The following TAFA2 variants were observed in gnomAD, a reference collection of about 807,000 sequenced individuals.
TAFA2 encodes the protein TAFA chemokine like family member 2, also known as chemokine-like protein TAFA-2.
TAFA2 carries 7 observed loss-of-function variants against 18.8 expected under a neutral mutation model. That is an observed-to-expected ratio of 0.37 (90% CI 0.21 to 0.70). The LOEUF (loss-of-function observed/expected upper bound fraction) is 0.70. TAFA2 is among the 30% of genes least tolerant of loss of function. TAFA2 has a pLI of 0.53. For missense variants in TAFA2, 122 were observed against 158.1 expected (o/e 0.77, Z 1.23); for synonymous variants, 60 against 54.2 (o/e 1.11, Z -0.47).
intron 1 of TAFA2, among the ~76,000 whole-genome samples, chr12:62,249,540 G>A (rs2062902439): frequency 6.6e-6 from 1 of 152,066 alleles, no homozygotes; most frequent in Admixed American, 6.6e-5. Context: ...CTCTCACCAT[G>A]TGATCTTTGC....
At chr12:62,131,525 A>G (rs1484425151) in intron 1 of TAFA2, among the ~76,000 whole-genome samples, 1 of 152,006 alleles carries the variant, frequency 6.6e-6, no homozygotes, top group East Asian at 1.9e-4. Flanking sequence ...CTCCTGCAAC[A>G]CTCCAGATTG....
chr12:61,822,606 C>T (rs899599039), intron 2 of TAFA2, among the ~76,000 whole-genome samples: 6 of 152,288 alleles, frequency 3.9e-5, no homozygotes, highest in Admixed American at 3.9e-4. Flanking sequence ...GTCCCCATCT[C>T]TTCAGACACA....
At chr12:61,866,709 G>C (rs779177530) in intron 2 of TAFA2, among the ~76,000 whole-genome samples, 11 of 152,178 alleles carry the variant, frequency 7.2e-5, no homozygotes, top group Non-Finnish European at 4.4e-5. Flanking sequence ...TGAATACTGG[G>C]CAGTGTCCAA....
Position 61,938,070 on chromosome 12 carries a change from A to G in TAFA2, c.-1-70644T>C, listed in dbSNP as rs1008131587. On this transcript the variant is annotated intron_variant, in intron 1 of 4. Transcript: ENST00000416284. ...GAATAAATGCTCACCATCACTAATC[A>G]TCAGGGAAATACAAATTAAAACCAC... Among the ~76,000 whole-genome samples the G allele has an allele frequency of 4.6e-5, 7 of 152,234 alleles. No homozygotes were observed. The East Asian group carries it at 1.4e-3, about 29-fold the overall frequency.
intron 1 of TAFA2, among the ~76,000 whole-genome samples, chr12:62,073,458 C>T (rs1882685048): frequency 6.8e-6 from 1 of 147,538 alleles, no homozygotes. Context: ...TAAGAAAACA[C>T]CTTTGAGGTA....
chr12:61,782,529 T>A (rs1565631968), intron 2 of TAFA2, among the ~76,000 whole-genome samples: 1 of 151,734 alleles, frequency 6.6e-6, no homozygotes, highest in Non-Finnish European at 1.5e-5. Flanking sequence ...CCCAAAATGT[T>A]TTTTACACAT....
intron 1 of TAFA2, among the ~76,000 whole-genome samples, chr12:62,175,185 C>T (rs1565770344): frequency 6.6e-6 from 1 of 152,068 alleles, no homozygotes; most frequent in Non-Finnish European, 1.5e-5. Flanking sequence ...TATTGGGTGC[C>T]CTCTCAAACT....
intron 4 of TAFA2, among the ~76,000 whole-genome samples, chr12:61,728,321 G>C (rs1870271717): frequency 1.3e-5 from 2 of 151,944 alleles, no homozygotes; most frequent in South Asian, 4.1e-4. Flanking sequence ...TGTCAGTGGA[G>C]TATTGAAGTC....
At chr12:61,800,899 C>T (rs188495064) in intron 2 of TAFA2, among the ~76,000 whole-genome samples, 67 of 152,210 alleles carry the variant, frequency 4.4e-4, no homozygotes, top group Admixed American at 3.5e-3. Context: ...ATAGTCTCCA[C>T]ATGGGGCAAA....
At chr12:61,836,464 T>C (rs1353304559) in intron 2 of TAFA2, among the ~76,000 whole-genome samples, 2 of 151,896 alleles carry the variant, frequency 1.3e-5, no homozygotes, top group East Asian at 3.9e-4. Flanking sequence ...CAAAAGGCCT[T>C]AGCCTTCCAT....
rs74098731 is a variant in TAFA2 at position 62,167,445 on chromosome 12, C to T, written c.-2+23814G>A. On this transcript the variant is annotated intron_variant, in intron 1 of 4. Transcript: ENST00000416284. ...TTTTTGGTAGTAGTGTTAGTATTGT[C>T]ATTCGGAGACTGTTGTATGTACATT... Among the ~76,000 whole-genome samples the T allele has an allele frequency of 4.2e-3, 634 of 152,204 alleles. 3 individuals carry two copies. Among genetic ancestry groups the T allele is most frequent in the African/African-American group, 0.015 (618 of 41,528 alleles).
chr12:61,727,447 A>G (rs972439165), intron 4 of TAFA2, among the ~76,000 whole-genome samples: 4 of 151,442 alleles, frequency 2.6e-5, no homozygotes, highest in Non-Finnish European at 5.9e-5. Context: ...TTAATCTAGG[A>G]GGGTTGTATA....
rs529552984 is a variant in TAFA2 at position 62,199,496 on chromosome 12, A to G, written c.-130+59267T>C. Among the ~76,000 whole-genome samples the G allele has an allele frequency of 8.1e-4, 123 of 152,146 alleles. 1 individual carries two copies. Among genetic ancestry groups the G allele is most frequent in the African/African-American group, 2.6e-3 (106 of 41,500 alleles). On this transcript the variant is annotated intron_variant, in intron 1 of 5. Transcript: ENST00000551619. ...GTTCCTGTGTTAGTTTGCTGAGGAT[A>G]ATGGCTTTGGGCTCCATCCATTTCC... is the stretch of plus-strand genomic sequence containing the variant.
chr12:61,807,944 C>T (rs1400818166), intron 2 of TAFA2, among the ~76,000 whole-genome samples: 1 of 151,446 alleles, frequency 6.6e-6, no homozygotes, highest in Non-Finnish European at 1.5e-5. Flanking sequence ...AAGGGACTTG[C>T]CTTGTCTCAG....
intron 1 of TAFA2, among the ~76,000 whole-genome samples, chr12:61,911,027 A>T (rs1333612601): frequency 6.6e-6 from 1 of 152,186 alleles, no homozygotes; most frequent in Non-Finnish European, 1.5e-5. Flanking sequence ...GAGTTACATC[A>T]TGTACAGATG....
At chr12:61,779,299 A>G (rs1307413957) in intron 2 of TAFA2, among the ~76,000 whole-genome samples, 1 of 151,826 alleles carries the variant, frequency 6.6e-6, no homozygotes, top group African/African-American at 2.4e-5. Flanking sequence ...CTGAAAGCTA[A>G]GTAGAATGAG....
At chr12:61,757,399 T>C (rs1286211860) in intron 2 of TAFA2, among the ~76,000 whole-genome samples, 1 of 152,058 alleles carries the variant, frequency 6.6e-6, no homozygotes, top group Non-Finnish European at 1.5e-5. Context: ...GAGGAATTTG[T>C]CAGAAGATGG....
At chr12:61,850,996 T>C (rs1375767378) in intron 2 of TAFA2, among the ~76,000 whole-genome samples, 1 of 152,200 alleles carries the variant, frequency 6.6e-6, no homozygotes, top group Non-Finnish European at 1.5e-5. Context: ...TTTTGAAATA[T>C]GAAATCTAAA....
chr12:62,028,583 C>A (rs1294019583), intron 1 of TAFA2, among the ~76,000 whole-genome samples: 2 of 152,126 alleles, frequency 1.3e-5, no homozygotes, highest in African/African-American at 2.4e-5. Flanking sequence ...TGAGAGTCAC[C>A]AGAATCCATC....
Sources: allele counts gnomAD v4.1 joint callset (sites outside exome capture counted in the v4.1 genomes callset), GRCh38; gene constraint gnomAD v4.1.1; transcripts MANE v1.5; gene names NCBI Gene and HGNC (gene_info 2026-07-23, HGNC 2026-07-21).